CNBD1: variants seen among roughly 807,000 people sequenced by gnomAD.
CNBD1 encodes cyclic nucleotide-binding domain-containing protein 1.
In CNBD1, 71 loss-of-function variants were observed where a neutral mutation model predicts 54.4. The ratio of observed to expected loss-of-function variants is 1.30; its 90% CI spans 1.08 to 1.59. CNBD1 has a LOEUF of 1.59. CNBD1 is among the 40% of genes most tolerant of loss of function. The probability of loss-of-function intolerance (pLI) is 0.00; values close to 1 mark genes in which losing one functional copy is unlikely to be tolerated. For synonymous variants in CNBD1, 182 were observed against 170.7 expected, an observed-to-expected ratio of 1.07 and a Z score of -0.51; for missense variants, 659 against 518.0, an observed-to-expected ratio of 1.27 and a Z score of -2.64.
Position 87,048,631 on chromosome 8 carries a change from G to C in CNBD1, c.431+108877G>C, listed in dbSNP as rs537861386. 2.6e-5 allele frequency among the ~76,000 whole-genome samples: 4 copies of C among 151,082 alleles called. No homozygotes were observed. In the South Asian group the frequency reaches 8.3e-4, roughly 31 times the overall value. ...AAACAAGAAGTTATCTCATTAATTA[G>C]TACTCTTACCACCTCAGAGGACTTT... On this transcript the variant is annotated intron_variant, in intron 4 of 10. Transcript: ENST00000518476.
intron 4 of CNBD1, among the ~76,000 whole-genome samples, chr8:86,957,525 C>T (rs967270417): frequency 6.6e-6 from 1 of 152,122 alleles, no homozygotes; most frequent in Non-Finnish European, 1.5e-5. Context: ...TTGGTCTATT[C>T]AGGGATTCAA....
chr8:87,134,529 T>G (rs1349774567), intron 4 of CNBD1, among the ~76,000 whole-genome samples: 1 of 151,704 alleles, frequency 6.6e-6, no homozygotes, highest in Non-Finnish European at 1.5e-5. Flanking sequence ...AAAACTTTTT[T>G]AATTGTTCAG....
At chr8:87,336,118 T>C (rs1017765891) in intron 8 of CNBD1, among the ~76,000 whole-genome samples, 3 of 152,194 alleles carry the variant, frequency 2.0e-5, no homozygotes, top group Non-Finnish European at 4.4e-5. Context: ...TCTCTCTGGC[T>C]GCCCTTAACA....
chr8:87,178,516 G>A (rs1813245536), intron 4 of CNBD1, among the ~76,000 whole-genome samples: 1 of 152,214 alleles, frequency 6.6e-6, no homozygotes, highest in Non-Finnish European at 1.5e-5. Flanking sequence ...GGAAAAGTGG[G>A]AAAGCTTTAG....
chr8:86,982,960 T>C (rs2130512036), intron 4 of CNBD1, among the ~76,000 whole-genome samples: 1 of 152,336 alleles, frequency 6.6e-6, no homozygotes. Context: ...GTTTTATAAC[T>C]TTAAAAGTAT....
chr8:87,377,652 C>A (rs1810979063), intron 10 of CNBD1, among the ~76,000 whole-genome samples: 1 of 149,064 alleles, frequency 6.7e-6, no homozygotes, highest in Non-Finnish European at 1.5e-5. Context: ...ATTTATAGTC[C>A]TTTGGGTATA....
At position 87,370,165 on chromosome 8, in the gene CNBD1, G is replaced by T. The variant is rs566373720; in HGVS notation, c.1304-12455G>T. 1.4e-4 allele frequency among the ~76,000 whole-genome samples: 22 copies of T among 151,838 alleles called. 1 individual carries two copies. Among genetic ancestry groups the T allele is most frequent in the Middle Eastern group, 3.4e-3 (1 of 294 alleles). ...GGGTTGGTTCCAAGTCTTTGCTATT[G>T]TGAATAGTGCCGCAATAAACATACG... On this transcript the variant is annotated intron_variant, in intron 10 of 10. Coordinates refer to ENST00000518476, the MANE Select transcript of CNBD1 (RefSeq NM_173538.3).
chr8:87,410,029 A>G (rs189542645), intron 2 of CNBD1, among the ~76,000 whole-genome samples: 78 of 152,182 alleles, frequency 5.1e-4, no homozygotes, highest in South Asian at 3.3e-3. Flanking sequence ...TTTCAAAAAA[A>G]AAAAGAATTA....
chr8:87,072,522 C>T (rs1436463656), intron 4 of CNBD1, among the ~76,000 whole-genome samples: 2 of 152,142 alleles, frequency 1.3e-5, no homozygotes, highest in African/African-American at 2.4e-5. Flanking sequence ...ATTTCCTTAG[C>T]ATTTGCTTGA....
chr8:86,951,412 A>G (rs1807618164), intron 4 of CNBD1, among the ~76,000 whole-genome samples: 1 of 151,286 alleles, frequency 6.6e-6, no homozygotes, highest in South Asian at 2.1e-4. Context: ...CACGTGGTGA[A>G]ACTCCATCTC....
chr8:87,073,184 T>C (rs2130654491), intron 4 of CNBD1, among the ~76,000 whole-genome samples: 1 of 152,126 alleles, frequency 6.6e-6, no homozygotes, highest in South Asian at 2.1e-4. Flanking sequence ...CTGGGTATTC[T>C]GGCAGTCAGC....
chr8:87,137,192 A>G (rs1478599688), intron 4 of CNBD1, among the ~76,000 whole-genome samples: 1 of 141,896 alleles, frequency 7.0e-6, no homozygotes, highest in East Asian at 2.0e-4. Context: ...TATTCTATAT[A>G]AATTATATAT....
rs777264485 is a variant in CNBD1, at chr8:87,077,018, A to G, written c.432-128975A>G. On this transcript the variant is annotated intron_variant, in intron 4 of 10. Coordinates refer to ENST00000518476, the MANE Select transcript of CNBD1 (RefSeq NM_173538.3). ...TGCTTGTTGAAAATATCACCAAAAT[A>G]ATTTGTTGACAAAGCAAATCAGAGT... is the stretch of plus-strand genomic sequence containing the variant. 7.9e-5 allele frequency among the ~76,000 whole-genome samples: 12 copies of G among 152,334 alleles called. No homozygotes were observed. In the East Asian group the frequency reaches 1.4e-3, roughly 17 times the overall value.
intron 3 of CNBD1, among the ~76,000 whole-genome samples, chr8:86,927,762 G>T (rs533481514): frequency 8.5e-5 from 13 of 152,114 alleles, no homozygotes; most frequent in Admixed American, 2.0e-4. Flanking sequence ...AGATTACATA[G>T]GTTTTCACTT....
intron 2 of CNBD1, among the ~76,000 whole-genome samples, chr8:87,407,214 A>G (rs888435303): frequency 2.6e-5 from 4 of 152,116 alleles, no homozygotes; most frequent in African/African-American, 9.6e-5. Context: ...TCTCACTGGT[A>G]ATATTATGAG....
rs946698408 is a variant in CNBD1, at chr8:87,005,012, T to C, written c.431+65258T>C. On this transcript the variant is annotated intron_variant, in intron 4 of 10. Transcript: ENST00000518476. ...AGACACATTCCAAAATGCAATAGTT[T>C]GCTGCATGATTTAATTCATGTAATA... Among the ~76,000 whole-genome samples the C allele has an allele frequency of 1.3e-5, 2 of 152,216 alleles. 1 individual carries two copies. Among genetic ancestry groups the C allele is most frequent in the South Asian group, 4.1e-4 (2 of 4,832 alleles).
At chr8:87,089,965 A>G (rs1009048993) in intron 4 of CNBD1, among the ~76,000 whole-genome samples, 2 of 152,014 alleles carry the variant, frequency 1.3e-5, no homozygotes, top group East Asian at 1.9e-4. Context: ...CAATATTTCT[A>G]TTTCTCCTAT....
chr8:87,289,177 G>C (rs1429203755), intron 8 of CNBD1, among the ~76,000 whole-genome samples: 3 of 152,092 alleles, frequency 2.0e-5, no homozygotes, highest in Non-Finnish European at 4.4e-5. Context: ...ATGTACAGTG[G>C]ATAGGGTTTC....
intron 5 of CNBD1, among the ~76,000 whole-genome samples, chr8:87,217,646 G>A (rs1814241181): frequency 6.7e-6 from 1 of 150,006 alleles, no homozygotes; most frequent in African/African-American, 2.4e-5. Flanking sequence ...CTTTTTCACT[G>A]GAGAGAAAAA....
Sources: gnomAD v4.1 joint callset for allele counts (sites outside exome capture counted in the v4.1 genomes callset) on GRCh38, gnomAD v4.1.1 for gene constraint, MANE v1.5 for transcripts, NCBI Gene and HGNC (gene_info 2026-07-23, HGNC 2026-07-21) for gene names.